DNER: variants seen among roughly 807,000 people sequenced by gnomAD.
DNER encodes delta and Notch-like epidermal growth factor-related receptor.
In DNER, 33 loss-of-function variants were observed where a neutral mutation model predicts 78.2. The observed-to-expected ratio is 0.42, with a 90% confidence interval of 0.32 to 0.56. The LOEUF (loss-of-function observed/expected upper bound fraction) is 0.56, where lower values mean the gene tolerates loss of function less well. DNER is among the 20% of genes least tolerant of loss of function. The pLI, the probability that DNER is intolerant of heterozygous loss-of-function variation, is 0.11. For synonymous variants in DNER, 417 were observed against 384.8 expected, an observed-to-expected ratio of 1.08 and a Z score of -0.98; for missense variants, 918 against 975.3, an observed-to-expected ratio of 0.94 and a Z score of 0.78.
Position 229,714,188 on chromosome 2 carries a change from C to A in DNER, c.236G>T (p.Ser79Ile). 1 of 1,369,396 alleles carries A rather than the reference C, an allele frequency of 7.3e-7. No homozygotes were observed. Among genetic ancestry groups the A allele is most frequent in the South Asian group, 1.7e-5 (1 of 58,148 alleles). 84.8% of individuals were successfully genotyped at this position (1,369,396 alleles called of 1,614,324 possible). A position where few individuals can be genotyped will look rare whatever the true frequency, so the allele number is the denominator to read the frequency against. ...GGAGATCCCGGCGGGGCAGGTGCAG[C>A]TGTAGCCAGGCTCGCCGGCGGGGGC... The part of the protein sequence containing the change: ...HPAPAGEPGY[S>I]CTCPAGISGA... The change falls in exon 1 of 13, where the codon AGC becomes ATC. Residue 79 changes from serine (S) to isoleucine (I), a missense_variant. Ser to Ile is a moderately radical substitution (Grantham distance 142, BLOSUM62 -2). Coordinates refer to ENST00000341772, the MANE Select transcript of DNER (RefSeq NM_139072.4).
At chr2:229,702,903 C>T (rs532295878) in intron 1 of DNER, among the ~76,000 whole-genome samples, 39 of 116,946 alleles carry the variant, frequency 3.3e-4, no homozygotes, top group Admixed American at 2.6e-3. Context: ...GGGGACACAG[C>T]GAGACTCCGC....
At chr2:229,408,869 A>G (rs1693445473) in intron 9 of DNER, among the ~76,000 whole-genome samples, 2 of 152,096 alleles carry the variant, frequency 1.3e-5, no homozygotes, top group Non-Finnish European at 2.9e-5. Flanking sequence ...GCCATCAACA[A>G]TATTCTGTCA....
At chr2:229,668,573 T>TATATATACATATAC (rs1259916500) in intron 1 of DNER, among the ~76,000 whole-genome samples, 1 of 92,190 alleles carries the variant, frequency 1.1e-5, no homozygotes, top group African/African-American at 5.8e-5. Flanking sequence ...TATATATATA[T>TATATATACATATAC]ATATATAAAA....
At chr2:229,387,549 AAGAAAGAAAGAAAGAAAG>A (rs1373865947) in intron 11 of DNER, among the ~76,000 whole-genome samples, 2 of 151,172 alleles carry the variant, frequency 1.3e-5, no homozygotes, top group Non-Finnish European at 3.0e-5. Context: ...GAAAGAAAGA[AAGAAAGAAAGAAAGAAAG>A]AAAAGAAAGA....
intron 8 of DNER, among the ~76,000 whole-genome samples, chr2:229,446,369 G>GA (rs1234960934): frequency 6.6e-6 from 1 of 152,226 alleles, no homozygotes; most frequent in Non-Finnish European, 1.5e-5. Context: ...TATTGTAGGT[G>GA]ACTGTCGGAA....
intron 8 of DNER, among the ~76,000 whole-genome samples, chr2:229,429,574 C>T (rs568970958): frequency 6.6e-6 from 1 of 152,224 alleles, no homozygotes; most frequent in East Asian, 1.9e-4. Flanking sequence ...ACCTGGGTGC[C>T]GTACTTCTGA....
At chr2:229,445,353 C>A (rs1694318573) in intron 8 of DNER, among the ~76,000 whole-genome samples, 1 of 152,122 alleles carries the variant, frequency 6.6e-6, no homozygotes, top group African/African-American at 2.4e-5. Context: ...GGAGGTCAAC[C>A]AAGAAAAATA....
intron 4 of DNER, 103 bp from the exon 5 acceptor site, chr2:229,547,195 T>C: frequency 6.8e-7 from 1 of 1,477,038 alleles, no homozygotes; most frequent in Non-Finnish European, 9.1e-7. Flanking sequence ...ATGAATTTAG[T>C]GTAGGCAGCA....
intron 7 of DNER, among the ~76,000 whole-genome samples, chr2:229,471,921 C>T (rs1398818397): frequency 6.6e-6 from 1 of 152,202 alleles, no homozygotes; most frequent in Non-Finnish European, 1.5e-5. Flanking sequence ...TCTACAGCCT[C>T]GTCACGGGGC....
intron 7 of DNER, among the ~76,000 whole-genome samples, chr2:229,459,865 C>CA (rs1201623582): frequency 3.3e-5 from 5 of 150,826 alleles, no homozygotes; most frequent in African/African-American, 4.9e-5. Context: ...CATCTCAAAA[C>CA]AAAAAAAAGA....
chr2:229,511,289 AAC>A (rs1241984850), intron 6 of DNER, among the ~76,000 whole-genome samples: 5 of 152,340 alleles, frequency 3.3e-5, no homozygotes, highest in African/African-American at 1.2e-4. Context: ...ATTATTTTAT[AAC>A]AAAATAAGAA....
rs568733259 is a variant in DNER, at chr2:229,516,836, G to A, written c.994-3900C>T. 6.6e-5 allele frequency among the ~76,000 whole-genome samples: 10 copies of A among 150,474 alleles called. No individual in the cohort carries two copies. In the South Asian group the frequency reaches 8.4e-4, roughly 13 times the overall value. The stretch of plus-strand genomic sequence containing the variant: ...AAAAGAAAAGAAAAAGGCCGGGCAC[G>A]GTGGCTCACCCCTGTAATCCCAGCA... On this transcript the variant is annotated intron_variant, in intron 5 of 12. Transcript: ENST00000341772.
At chr2:229,398,667 C>T (rs996852821) in intron 10 of DNER, among the ~76,000 whole-genome samples, 2 of 151,930 alleles carry the variant, frequency 1.3e-5, no homozygotes, top group Admixed American at 1.3e-4. Flanking sequence ...CAACTTGTTT[C>T]TCATGACTAT....
intron 4 of DNER, among the ~76,000 whole-genome samples, chr2:229,564,906 G>A (rs1697073706): frequency 6.6e-6 from 1 of 152,118 alleles, no homozygotes; most frequent in South Asian, 2.1e-4. Flanking sequence ...GAGTTCCACT[G>A]AGGGCCCGTT....
chr2:229,645,191 G>A (rs919538923), intron 1 of DNER, among the ~76,000 whole-genome samples: 1 of 152,066 alleles, frequency 6.6e-6, no homozygotes, highest in Non-Finnish European at 1.5e-5. Context: ...TTTTTTCTAA[G>A]AAATTGGGTC....
rs1180439625 is a variant in DNER at position 229,581,332 on chromosome 2, C to T, written c.847+4526G>A. 6.6e-5 allele frequency among the ~76,000 whole-genome samples: 10 copies of T among 152,218 alleles called. No individual in the cohort carries two copies. The South Asian group carries it at 1.2e-3, about 19-fold the overall frequency. On this transcript the variant is annotated intron_variant, in intron 4 of 12. Coordinates refer to ENST00000341772, the MANE Select transcript of DNER (RefSeq NM_139072.4). ...CAATGAATTTGACTCTTTGAAAATA[C>T]GAAACATCCAGCAAATGAATCATTC...
At chr2:229,375,294 T>C (rs1258295297) in intron 11 of DNER, among the ~76,000 whole-genome samples, 2 of 152,222 alleles carry the variant, frequency 1.3e-5, no homozygotes, top group African/African-American at 2.4e-5. Context: ...CTGAACAATA[T>C]TGGTTACATT....
chr2:229,591,986 G>A lies in DNER; in HGVS notation c.277-98C>T. On this transcript the variant is annotated intron_variant, in intron 1 of 12. Coordinates refer to ENST00000341772, the MANE Select transcript of DNER (RefSeq NM_139072.4). The surrounding 1 kb of genome is among the most constrained non-coding windows in gnomAD (Gnocchi z 4.6). ...TGTGTCTCAGAGCGACTGCTGTAAT[G>A]GAAATGCTGTTCCTGTGGAATACAC... is the stretch of plus-strand genomic sequence containing the variant. 2 of 1,395,268 alleles carry A rather than the reference G, an allele frequency of 1.4e-6. No individual in the cohort carries two copies. The highest frequency in any genetic ancestry group is 1.9e-6 in the Non-Finnish European group (2 of 1,062,030). 86.4% of individuals were successfully genotyped at this position (1,395,268 alleles called of 1,614,324 possible).
intron 1 of DNER, among the ~76,000 whole-genome samples, chr2:229,652,758 C>T (rs1337345236): frequency 1.3e-5 from 2 of 152,166 alleles, no homozygotes; most frequent in East Asian, 3.8e-4. Flanking sequence ...TGTGGAAATA[C>T]AGGAATCAAC....
Sources: gnomAD v4.1 joint callset for allele counts (sites outside exome capture counted in the v4.1 genomes callset) on GRCh38, gnomAD v4.1.1 for gene constraint, Gnocchi (gnomAD v3.1) non-coding constraint, MANE v1.5 for transcripts, NCBI Gene and HGNC (gene_info 2026-07-23, HGNC 2026-07-21) for gene names.